Variants in AGAP1 observed in about 807,000 individuals in gnomAD.
AGAP1 encodes arf-GAP with GTPase, ANK repeat and PH domain-containing protein 1.
A neutral mutation model predicts 105.3 loss-of-function variants in AGAP1; 29 were observed. The ratio of observed to expected loss-of-function variants is 0.28; its 90% CI spans 0.21 to 0.38. AGAP1 has a LOEUF of 0.38. AGAP1 is among the 10% of genes least tolerant of loss of function. The pLI is 1.00. For missense variants in AGAP1, 998 were observed against 1,165.1 expected (o/e 0.86, Z 2.09); for synonymous variants, 509 against 485.9 (o/e 1.05, Z -0.63).
intron 13 of AGAP1, among the ~76,000 whole-genome samples, chr2:235,969,981 C>G (rs772924614): frequency 2.0e-5 from 3 of 152,064 alleles, no homozygotes; most frequent in Non-Finnish European, 4.4e-5. Flanking sequence ...GCAGGAAGAT[C>G]ACCTGACGTC....
intron 9 of AGAP1, among the ~76,000 whole-genome samples, chr2:235,858,899 A>C (rs1029712777): frequency 6.6e-6 from 1 of 152,226 alleles, no homozygotes; most frequent in Non-Finnish European, 1.5e-5. Flanking sequence ...AAATACTGCC[A>C]GTCTTTTCAA....
chr2:236,084,943 G>T (rs781260214), intron 16 of AGAP1, among the ~76,000 whole-genome samples: 2 of 151,484 alleles, frequency 1.3e-5, no homozygotes, highest in Non-Finnish European at 2.9e-5. Flanking sequence ...GGCCGGGCAC[G>T]GTGGCTCACG....
intron 5 of AGAP1, among the ~76,000 whole-genome samples, chr2:235,746,836 A>T (rs1401005771): frequency 6.6e-6 from 1 of 152,072 alleles, no homozygotes; most frequent in African/African-American, 2.4e-5. Context: ...ACTCACTGTG[A>T]AAAGTGACAG....
At chr2:236,016,980 G>A (rs2056726634) in intron 13 of AGAP1, among the ~76,000 whole-genome samples, 1 of 152,024 alleles carries the variant, frequency 6.6e-6, no homozygotes, top group Non-Finnish European at 1.5e-5. Context: ...ATTTCATACG[G>A]TTTTTAATAA....
intron 9 of AGAP1, among the ~76,000 whole-genome samples, chr2:235,878,750 C>T (rs1160963086): frequency 6.6e-6 from 1 of 152,218 alleles, no homozygotes; most frequent in Non-Finnish European, 1.5e-5. Flanking sequence ...CCCCTGTCCG[C>T]TCATGTTCCT....
chr2:235,752,192 T>G lies in AGAP1; in HGVS notation c.673+1704T>G, dbSNP rs1354942545. 6.6e-6 allele frequency among the ~76,000 whole-genome samples: 1 copy of G among 152,202 alleles called. No homozygotes were observed. The highest frequency in any genetic ancestry group is 1.5e-5 in the Non-Finnish European group (1 of 68,034). Reference sequence around the variant, plus strand: ...TTCATAAATAGACTTTTCTTCTTTTTTTTGGAGACAGAGTCTAGCTCTTTG... The same window carrying G: ...TTCATAAATAGACTTTTCTTCTTTTGTTTGGAGACAGAGTCTAGCTCTTTG... On this transcript the variant is annotated intron_variant, in intron 6 of 17. Transcript: ENST00000304032. The surrounding 1 kb of genome is among the most constrained non-coding windows in gnomAD (Gnocchi z 4.3).
intron 9 of AGAP1, 99 bp downstream of exon 9, chr2:235,807,430 G>T: frequency 9.4e-7 from 1 of 1,058,502 alleles, no homozygotes; most frequent in Non-Finnish European, 1.4e-6. Context: ...TGTCTGATGT[G>T]CTCTGTTGAT....
intron 9 of AGAP1, among the ~76,000 whole-genome samples, chr2:235,808,783 T>A (rs1274329066): frequency 1.3e-5 from 2 of 152,120 alleles, no homozygotes; most frequent in Non-Finnish European, 2.9e-5. Context: ...TAGGAGAAAT[T>A]CTCTTCCCTC....
rs1341337006 is a variant in AGAP1, at chr2:235,960,737, C to T, written c.1484-7725C>T. Among the ~76,000 whole-genome samples the T allele has an allele frequency of 4.6e-5, 7 of 152,230 alleles. No individual in the cohort carries two copies. The highest frequency in any genetic ancestry group is 3.2e-3 in the Middle Eastern group (1 of 314). ...GGACAGGGGTCTTGCCCTTTATTCT[C>T]TGACAGCGGCCAGCTCCTAGGGCAC... is the stretch of plus-strand genomic sequence containing the variant. On this transcript the variant is annotated intron_variant, in intron 12 of 17. Coordinates refer to ENST00000304032, the MANE Select transcript of AGAP1 (RefSeq NM_001037131.3). This position sits in a 1 kb window ranked among gnomAD's most constrained non-coding sequence, Gnocchi z 4.9.
intron 1 of AGAP1, chr2:235,670,953 C>T: frequency 7.6e-7 from 1 of 1,321,754 alleles, no homozygotes; most frequent in Middle Eastern, 2.9e-4. Flanking sequence ...GGGCCCTCGC[C>T]ACGGAGCGGA....
At chr2:235,914,157 G>T (rs1211896374) in intron 11 of AGAP1, among the ~76,000 whole-genome samples, 1 of 152,120 alleles carries the variant, frequency 6.6e-6, no homozygotes, top group Non-Finnish European at 1.5e-5. Context: ...TTGTTAGTTG[G>T]AATAGCTACT....
chr2:235,818,491 A>G (rs960260497), intron 9 of AGAP1, among the ~76,000 whole-genome samples: 9 of 152,088 alleles, frequency 5.9e-5, no homozygotes, highest in African/African-American at 2.2e-4. Context: ...CACCCAGGCT[A>G]GAGTGCAATG....
At chr2:235,657,331 A>G (rs932296206) in intron 1 of AGAP1, among the ~76,000 whole-genome samples, 11 of 152,146 alleles carry the variant, frequency 7.2e-5, no homozygotes, top group African/African-American at 2.4e-4. Flanking sequence ...AAATGTGACT[A>G]TTACACACTG....
At chr2:235,998,655 A>AGGTGGT (rs1240014532) in intron 13 of AGAP1, among the ~76,000 whole-genome samples, 3 of 151,818 alleles carry the variant, frequency 2.0e-5, no homozygotes, top group Non-Finnish European at 4.4e-5. Context: ...TGATGGTGAG[A>AGGTGGT]GGTGGTGGTG....
intron 16 of AGAP1, among the ~76,000 whole-genome samples, chr2:236,065,068 T>C (rs905825975): frequency 1.3e-5 from 2 of 152,224 alleles, no homozygotes; most frequent in Non-Finnish European, 2.9e-5. Flanking sequence ...GCCTGACTGA[T>C]ACTGCTGGAG....
In AGAP1 at chr2:235,909,082, G is replaced by A. The variant is rs371405304; in HGVS notation, c.1324+176G>A. Among the ~76,000 whole-genome samples the A allele has an allele frequency of 2.4e-4, 37 of 152,212 alleles. 1 individual carries two copies. In the East Asian group the frequency reaches 6.4e-3, roughly 26 times the overall value. ...TCATTTCCTTTAAACTTTCAGTTCC[G>A]CAAATGCCAGCGAGCAAATGGTGCT... On this transcript the variant is annotated intron_variant, in intron 11 of 17. Transcript: ENST00000304032.
intron 1 of AGAP1, among the ~76,000 whole-genome samples, chr2:235,704,938 A>G (rs895712079): frequency 2.1e-5 from 3 of 143,748 alleles, no homozygotes; most frequent in Non-Finnish European, 4.5e-5. Context: ...ACTATCACCA[A>G]CGTCGATTGT....
rs1320125028 is a variant in AGAP1, at chr2:235,767,476, AAAG to A, written c.673+16989_673+16991del. Among the ~76,000 whole-genome samples, 637 of 152,332 alleles carry A rather than the reference AAAG, an allele frequency of 4.2e-3. 3 individuals are homozygous for A. Among genetic ancestry groups the A allele is most frequent in the African/African-American group, 0.014 (599 of 41,570 alleles). The stretch of plus-strand genomic sequence containing the variant: ...GCAGCCGTTGCTTTTTCCGTTGACC[AAAG>A]CCATGACCTTACCTTTATGCAGTCG... On this transcript the variant is annotated intron_variant, in intron 6 of 17. Transcript: ENST00000304032.
In AGAP1 at chr2:235,737,764, G is replaced by A; in HGVS notation, c.311-3199G>A. Among the ~76,000 whole-genome samples the A allele has an allele frequency of 6.6e-6, 1 of 152,130 alleles. No individual in the cohort carries two copies. The highest frequency in any genetic ancestry group is 1.5e-5 in the Non-Finnish European group (1 of 68,016). On this transcript the variant is annotated intron_variant, in intron 3 of 17. Coordinates refer to ENST00000304032, the MANE Select transcript of AGAP1 (RefSeq NM_001037131.3). The surrounding 1 kb of genome is among the most constrained non-coding windows in gnomAD (Gnocchi z 4.5). ...GTTCCCACTCCTGGAGAGGTAGGCA[G>A]CGAGGGACACTGGCGTTGCAGGGCC...
Sources: allele counts gnomAD v4.1 joint callset (sites outside exome capture counted in the v4.1 genomes callset), GRCh38; gene constraint gnomAD v4.1.1; non-coding constraint Gnocchi (gnomAD v3.1); transcripts MANE v1.5; gene names NCBI Gene and HGNC (gene_info 2026-07-23, HGNC 2026-07-21).